WDR72: variants seen among roughly 807,000 people sequenced by gnomAD.
WDR72 encodes the protein WD repeat domain 72, also known as WD repeat-containing protein 72.
A neutral mutation model predicts 124.2 loss-of-function variants in WDR72; 120 were observed. The observed-to-expected ratio is 0.97, with a 90% CI of 0.83 to 1.12. The LOEUF (loss-of-function observed/expected upper bound fraction) is 1.12, where lower values mean the gene tolerates loss of function less well. Ranked by LOEUF, WDR72 falls within the 50% of genes most tolerant of loss-of-function variation. WDR72 has a pLI of 0.00. For missense variants in WDR72, 1,387 were observed against 1,278.8 expected, an observed-to-expected ratio of 1.08 and a Z score of -1.29; for synonymous variants, 452 against 441.7, an observed-to-expected ratio of 1.02 and a Z score of -0.29.
chr15:53,561,100 C>G (rs1894110185), intron 18 of WDR72, among the ~76,000 whole-genome samples: 1 of 151,776 alleles, frequency 6.6e-6, no homozygotes, highest in Non-Finnish European at 1.5e-5. Flanking sequence ...GTATCATAAA[C>G]TGCATTGTTC....
intron 13 of WDR72, among the ~76,000 whole-genome samples, chr15:53,688,268 A>G (rs2016712624): frequency 6.7e-6 from 1 of 149,510 alleles, no homozygotes. Context: ...AGAGGAAGTC[A>G]AATTGTCCCT....
rs1891402802 is a variant in WDR72, at chr15:53,515,328, A to G, written c.*2371T>C. ...TTTCTGGGTGTAGTACCAAGTGGTT[A>G]TGATCACCACGTACGTGGTCTATCC... On this transcript the variant is annotated 3_prime_UTR_variant, in exon 20 of 20. Transcript: ENST00000360509. The G allele has an allele frequency of 6.6e-6, 1 of 152,114 alleles. No individual in the cohort carries two copies. The highest frequency in any genetic ancestry group is 2.4e-5 in the African/African-American group (1 of 41,452). The allele number at this position is 152,114 out of a possible 1,614,324, so 9.4% of individuals were successfully genotyped here.
At chr15:53,691,557 G>T (rs919399940) in intron 13 of WDR72, among the ~76,000 whole-genome samples, 1 of 150,042 alleles carries the variant, frequency 6.7e-6, no homozygotes, top group Admixed American at 6.7e-5. Context: ...TTTTTCTTTC[G>T]TTGCTCAGGT....
chr15:53,623,565 G>A (rs1179938780), intron 14 of WDR72, among the ~76,000 whole-genome samples: 3 of 151,620 alleles, frequency 2.0e-5, no homozygotes, highest in Non-Finnish European at 4.4e-5. Flanking sequence ...TTGTTGATGC[G>A]CACCTAGGTT....
At chr15:53,555,889 TAAAG>T (rs1411314639) in intron 18 of WDR72, among the ~76,000 whole-genome samples, 4 of 152,052 alleles carry the variant, frequency 2.6e-5, no homozygotes, top group East Asian at 3.9e-4. Context: ...TTTTACAAAA[TAAAG>T]AAAGACAAAA....
rs79708007 is a variant in WDR72, at chr15:53,519,603, G to A, written c.3254-1849C>T. ...TTCCGAAGACAAGACACTACTCAGA[G>A]ACACTTTTCCCTATCAGACAAGACC... On this transcript the variant is annotated intron_variant, in intron 19 of 19. Transcript: ENST00000360509. Among the ~76,000 whole-genome samples, 109 of 152,184 alleles carry A rather than the reference G, an allele frequency of 7.2e-4. 2 individuals carry two copies. In the East Asian group the frequency reaches 0.017, roughly 24 times the overall value.
At chr15:53,636,131 G>T (rs1409609153) in intron 14 of WDR72, among the ~76,000 whole-genome samples, 1 of 152,070 alleles carries the variant, frequency 6.6e-6, no homozygotes, top group East Asian at 1.9e-4. Context: ...TTTAATTAAA[G>T]TCTCAAATGC....
At chr15:53,641,010 A>AT (rs941546827) in intron 14 of WDR72, among the ~76,000 whole-genome samples, 1 of 151,256 alleles carries the variant, frequency 6.6e-6, no homozygotes, top group Non-Finnish European at 1.5e-5. Context: ...CATTTTTTTC[A>AT]TTTTTTTCTG....
intron 17 of WDR72, among the ~76,000 whole-genome samples, chr15:53,603,434 G>A (rs1163047019): frequency 6.6e-6 from 1 of 152,084 alleles, no homozygotes; most frequent in Non-Finnish European, 1.5e-5. Context: ...CACAAGACAA[G>A]GATGCCCTCT....
intron 2 of WDR72, among the ~76,000 whole-genome samples, chr15:53,728,531 T>C (rs513117): frequency 6.6e-6 from 1 of 152,094 alleles, no homozygotes; most frequent in South Asian, 2.1e-4. Flanking sequence ...AGTATCACAG[T>C]GTTGGTAAAT....
chr15:53,722,469 C>T (rs1466040179), intron 3 of WDR72, among the ~76,000 whole-genome samples: 1 of 152,176 alleles, frequency 6.6e-6, no homozygotes, highest in African/African-American at 2.4e-5. Context: ...AAAAGACAAA[C>T]ACCTAGACTT....
intron 17 of WDR72, among the ~76,000 whole-genome samples, chr15:53,608,822 A>G (rs1387781433): frequency 6.7e-6 from 1 of 150,164 alleles, no homozygotes; most frequent in Admixed American, 6.7e-5. Context: ...GGACATAGAG[A>G]GTAGAAGAAT....
chr15:53,758,287 C>T (rs2018967796), intron 1 of WDR72, among the ~76,000 whole-genome samples: 1 of 152,096 alleles, frequency 6.6e-6, no homozygotes, highest in South Asian at 2.1e-4. Context: ...AGGCATGAGC[C>T]ACAGCGCCCA....
At chr15:53,606,871 G>T (rs945714008) in intron 17 of WDR72, among the ~76,000 whole-genome samples, 2 of 152,092 alleles carry the variant, frequency 1.3e-5, no homozygotes, top group African/African-American at 4.8e-5. Context: ...TCAGGCTGGG[G>T]AAAAAATCAC....
chr15:53,527,943 G>A (rs1273948452), intron 18 of WDR72, among the ~76,000 whole-genome samples: 1 of 152,086 alleles, frequency 6.6e-6, no homozygotes, highest in Non-Finnish European at 1.5e-5. Flanking sequence ...ATTTTAAAGA[G>A]TCACTATAAA....
At chr15:53,759,369 C>T (rs553359671) in intron 1 of WDR72, 2 of 152,242 alleles carry the variant, frequency 1.3e-5, no homozygotes, top group Non-Finnish European at 2.9e-5. Context: ...TTTGTTCACT[C>T]CTGATGCCAC....
intron 18 of WDR72, among the ~76,000 whole-genome samples, chr15:53,570,262 A>ATT (rs34458553): frequency 0.1 from 14,582 of 146,430 alleles, 943 homozygotes; most frequent in African/African-American, 0.18. Context: ...CTCATATACC[A>ATT]TTTTTTTTTT....
At chr15:53,526,805 T>C (rs936087882) in intron 18 of WDR72, among the ~76,000 whole-genome samples, 1 of 152,100 alleles carries the variant, frequency 6.6e-6, no homozygotes, top group Admixed American at 6.6e-5. Flanking sequence ...TATCTTTAGC[T>C]TAAAATCAAC....
At chr15:53,518,304 T>C (rs543226884) in intron 19 of WDR72, among the ~76,000 whole-genome samples, 28 of 152,198 alleles carry the variant, frequency 1.8e-4, no homozygotes, top group Middle Eastern at 6.8e-3. Flanking sequence ...AATTGGAACA[T>C]TGTTCCTTAA....
Sources: allele counts gnomAD v4.1 joint callset (sites outside exome capture counted in the v4.1 genomes callset), GRCh38; gene constraint gnomAD v4.1.1; transcripts MANE v1.5; gene names NCBI Gene and HGNC (gene_info 2026-07-23, HGNC 2026-07-21).